MINDY2: variants seen among roughly 807,000 people sequenced by gnomAD.
MINDY2 encodes the protein MINDY lysine 48 deubiquitinase 2, also known as ubiquitin carboxyl-terminal hydrolase MINDY-2.
A neutral mutation model predicts 68.2 loss-of-function variants in MINDY2; 52 were observed. That is an observed-to-expected ratio of 0.76 (90% confidence interval 0.61 to 0.96). MINDY2 has a LOEUF of 0.96. Among genes scored for constraint, MINDY2 ranks in the 40% least tolerant of loss-of-function variants. The probability of loss-of-function intolerance (pLI) is 0.00; values close to 1 mark genes in which losing one functional copy is unlikely to be tolerated. For missense variants in MINDY2, 881 were observed against 773.4 expected, an observed-to-expected ratio of 1.14 and a Z score of -1.65; for synonymous variants, 372 against 303.0, an observed-to-expected ratio of 1.23 and a Z score of -2.36.
Position 58,777,293 on chromosome 15 carries a change from G to A in MINDY2, c.840+5058G>A, listed in dbSNP as rs559866022. On this transcript the variant is annotated intron_variant, in intron 1 of 8. Coordinates refer to ENST00000559228, the MANE Select transcript of MINDY2 (RefSeq NM_001040450.3). ...GGGGCAGAGAATTAGAGAATTGAAA[G>A]TGAAAACAGCTGATCATCTGAAATT... 3.4e-4 allele frequency among the ~76,000 whole-genome samples: 52 copies of A among 152,308 alleles called. 2 individuals carry two copies. The highest frequency in any genetic ancestry group is 6.6e-4 in the Non-Finnish European group (45 of 68,024).
chr15:58,821,915 T>A (rs1213328495), intron 5 of MINDY2, 96 bp downstream of exon 5: 1 of 758,574 alleles, frequency 1.3e-6, no homozygotes, highest in Non-Finnish European at 2.0e-6. Context: ...ATAAGACTTC[T>A]AAAAAACACA....
intron 4 of MINDY2, chr15:58,817,873 C>T (rs1203028186): frequency 6.6e-6 from 1 of 152,204 alleles, no homozygotes; most frequent in African/African-American, 2.4e-5. Context: ...TGATGCTAAG[C>T]ATTCCTTAAG....
At chr15:58,793,677 C>T (rs1341353515) in intron 2 of MINDY2, among the ~76,000 whole-genome samples, 1 of 152,080 alleles carries the variant, frequency 6.6e-6, no homozygotes, top group African/African-American at 2.4e-5. Context: ...TTAGATAGTT[C>T]ATCCATGGTA....
At chr15:58,813,497 A>G (rs934718453) in intron 4 of MINDY2, among the ~76,000 whole-genome samples, 1 of 152,324 alleles carries the variant, frequency 6.6e-6, no homozygotes, top group Non-Finnish European at 1.5e-5. Context: ...CTCTATCTCA[A>G]ACTGCTGTAA....
intron 2 of MINDY2, among the ~76,000 whole-genome samples, chr15:58,798,029 C>T (rs1286416912): frequency 6.6e-6 from 1 of 152,200 alleles, no homozygotes; most frequent in African/African-American, 2.4e-5. Flanking sequence ...AGCTCATATG[C>T]TCAAAAATAC....
At chr15:58,802,908 A>G (rs560099358) in intron 3 of MINDY2, among the ~76,000 whole-genome samples, 1 of 152,330 alleles carries the variant, frequency 6.6e-6, no homozygotes, top group South Asian at 2.1e-4. Context: ...GGTGCTGGAA[A>G]AAAGCAAGCG....
chr15:58,835,467 A>C (rs1000877307), intron 6 of MINDY2, among the ~76,000 whole-genome samples: 1 of 152,158 alleles, frequency 6.6e-6, no homozygotes, highest in Non-Finnish European at 1.5e-5. Flanking sequence ...AGCCTGGCCA[A>C]CATGGTGAAA....
intron 3 of MINDY2, among the ~76,000 whole-genome samples, chr15:58,802,637 T>G (rs1902744621): frequency 6.6e-6 from 1 of 152,196 alleles, no homozygotes; most frequent in South Asian, 2.1e-4. Context: ...TTCCTTTTTT[T>G]TCTCATTCCA....
chr15:58,826,476 G>T (rs185661631), intron 5 of MINDY2, among the ~76,000 whole-genome samples: 1 of 151,880 alleles, frequency 6.6e-6, no homozygotes, highest in Non-Finnish European at 1.5e-5. Flanking sequence ...TGATCCGCCC[G>T]CCTTGGCCTT....
At chr15:58,777,005 A>C (rs915597047) in intron 1 of MINDY2, among the ~76,000 whole-genome samples, 1 of 152,220 alleles carries the variant, frequency 6.6e-6, no homozygotes, top group Non-Finnish European at 1.5e-5. Flanking sequence ...TGACCCGGTG[A>C]ATTTTGTGAG....
intron 2 of MINDY2, among the ~76,000 whole-genome samples, chr15:58,788,398 A>C (rs1235383040): frequency 6.6e-6 from 1 of 152,234 alleles, no homozygotes; most frequent in African/African-American, 2.4e-5. Context: ...GGCTACAGTG[A>C]GGTAGAATCT....
At chr15:58,832,978 A>G (rs536443054) in intron 6 of MINDY2, among the ~76,000 whole-genome samples, 1 of 152,368 alleles carries the variant, frequency 6.6e-6, no homozygotes, top group African/African-American at 2.4e-5. Flanking sequence ...CAAACATTAA[A>G]TTCTTTAATA....
chr15:58,803,876 A>G (rs1902837324), intron 3 of MINDY2, among the ~76,000 whole-genome samples: 1 of 149,532 alleles, frequency 6.7e-6, no homozygotes, highest in Non-Finnish European at 1.5e-5. Flanking sequence ...TGGTAGGCCA[A>G]GGCAGGCGGA....
chr15:58,787,808 A>C, intron 1 of MINDY2, 98 bp from the exon 2 acceptor site: 2 of 683,322 alleles, frequency 2.9e-6, no homozygotes, highest in Non-Finnish European at 4.9e-6. Context: ...AGTATAGTAG[A>C]TACATAATTA....
chr15:58,823,139 C>CTTTTTTTTTTT (rs74641422), intron 5 of MINDY2, among the ~76,000 whole-genome samples: 2 of 132,062 alleles, frequency 1.5e-5, no homozygotes, highest in African/African-American at 2.8e-5. Context: ...TTTTTTTTTT[C>CTTTTTTTTTTT]TTTTTTTTTT....
At chr15:58,801,822 T>C (rs1355446823) in intron 2 of MINDY2, among the ~76,000 whole-genome samples, 2 of 152,052 alleles carry the variant, frequency 1.3e-5, no homozygotes, top group East Asian at 3.9e-4. Context: ...GTATTTTTAG[T>C]AGAGTTGGCC....
At chr15:58,838,582 AT>A (rs780140528) in intron 6 of MINDY2, among the ~76,000 whole-genome samples, 145 of 93,076 alleles carry the variant, frequency 1.6e-3, no homozygotes, top group South Asian at 3.5e-3. Flanking sequence ...CTTTTTAGGG[AT>A]TTTTTTTTTT....
intron 5 of MINDY2, among the ~76,000 whole-genome samples, chr15:58,823,407 C>G (rs1472684911): frequency 6.6e-6 from 1 of 152,022 alleles, no homozygotes; most frequent in Non-Finnish European, 1.5e-5. Context: ...GACATTGTGG[C>G]CCACACCTGT....
chr15:58,816,401 C>T (rs146205499), intron 4 of MINDY2, among the ~76,000 whole-genome samples: 8 of 151,880 alleles, frequency 5.3e-5, no homozygotes, highest in African/African-American at 1.9e-4. Flanking sequence ...ATTTTTAATT[C>T]TTTTTTTGTT....
Sources: gnomAD v4.1 joint callset for allele counts (sites outside exome capture counted in the v4.1 genomes callset) on GRCh38, gnomAD v4.1.1 for gene constraint, MANE v1.5 for transcripts, NCBI Gene and HGNC (gene_info 2026-07-23, HGNC 2026-07-21) for gene names.